Variants in MYO5B observed in about 807,000 individuals in gnomAD.
MYO5B encodes unconventional myosin-Vb.
In MYO5B, 143 loss-of-function variants were observed where a neutral mutation model predicts 229.3. The ratio of observed to expected loss-of-function variants is 0.62; its 90% CI spans 0.54 to 0.72. MYO5B has a LOEUF of 0.72. Ranked by LOEUF, MYO5B falls within the 30% of genes least tolerant of loss-of-function variation. The pLI is 0.00. For synonymous variants in MYO5B, 918 were observed against 885.2 expected (o/e 1.04, Z -0.66); for missense variants, 2,321 against 2,331.0 (o/e 1.00, Z 0.09).
In MYO5B at chr18:49,832,650, C is replaced by T. The variant is rs1009206391; in HGVS notation, c.5394+2694G>A. On this transcript the variant is annotated intron_variant, in intron 39 of 39. Transcript: ENST00000285039. ...TGGCAGGGGAACCTAGAATTGCCCA[C>T]GTTTTCATCCATTACCTGAATTATG... Among the ~76,000 whole-genome samples the T allele has an allele frequency of 1.5e-4, 23 of 152,190 alleles. No individual in the cohort carries two copies. The East Asian group carries it at 3.7e-3, about 24-fold the overall frequency.
At chr18:50,106,160 T>C (rs1158547642) in intron 1 of MYO5B, among the ~76,000 whole-genome samples, 1 of 152,096 alleles carries the variant, frequency 6.6e-6, no homozygotes, top group Non-Finnish European at 1.5e-5. Context: ...ACCTCGTTAA[T>C]TCACCAAGCA....
At chr18:49,866,218 A>G (rs376922378) in intron 27 of MYO5B, among the ~76,000 whole-genome samples, 10 of 148,452 alleles carry the variant, frequency 6.7e-5, no homozygotes, top group South Asian at 4.2e-4. Context: ...ACAGGCGCCC[A>G]CCACCACGCC....
intron 39 of MYO5B, among the ~76,000 whole-genome samples, chr18:49,828,849 C>G (rs984204858): frequency 6.6e-6 from 1 of 151,126 alleles, no homozygotes; most frequent in African/African-American, 2.4e-5. Flanking sequence ...ATATAATAAA[C>G]CAAAGCTTAT....
intron 4 of MYO5B, 52 bp from the exon 5 acceptor site, chr18:50,001,463 C>T: frequency 6.2e-7 from 1 of 1,602,448 alleles, no homozygotes. Context: ...GGCTCTGCTA[C>T]CGTCCAGGGA....
At chr18:50,082,735 G>A (rs568353850) in intron 1 of MYO5B, among the ~76,000 whole-genome samples, 6 of 152,280 alleles carry the variant, frequency 3.9e-5, no homozygotes, top group African/African-American at 1.4e-4. Flanking sequence ...GTTAAAAAAT[G>A]AATGGTACCA....
chr18:49,894,821 T>C (rs529264356), intron 22 of MYO5B, 120 bp downstream of exon 22: 1 of 845,050 alleles, frequency 1.2e-6, no homozygotes, highest in African/African-American at 1.7e-5. Flanking sequence ...GGTCAGTCTG[T>C]GCACATGAGC....
intron 1 of MYO5B, among the ~76,000 whole-genome samples, chr18:50,061,759 A>G (rs1217707576): frequency 1.3e-5 from 2 of 152,226 alleles, no homozygotes; most frequent in Non-Finnish European, 2.9e-5. Context: ...TAAAACTCCT[A>G]TCTCAGAGTG....
chr18:49,861,641 C>T (rs2024330677), intron 29 of MYO5B, among the ~76,000 whole-genome samples: 1 of 152,196 alleles, frequency 6.6e-6, no homozygotes, highest in African/African-American at 2.4e-5. Flanking sequence ...CCTTCAACTT[C>T]TGATTACCTA....
chr18:49,864,179 C>G lies in MYO5B; in HGVS notation c.3805G>C (p.Val1269Leu). The change falls in exon 28 of 40, where the codon GTG becomes CTG. Residue 1269 changes from valine (V) to leucine (L), a missense_variant. Val to Leu is a conservative substitution (Grantham distance 32, BLOSUM62 1). Coordinates refer to ENST00000285039, the MANE Select transcript of MYO5B (RefSeq NM_001080467.3). ...EEVLILRTQIVSADQRRLAGR... is the reference protein window; with the variant it reads ...EEVLILRTQILSADQRRLAGR... ...GCGAGTCGCCGCTGGTCGGCGCTCA[C>G]GATCTGGGTCCTGAGGATGAGCACC... The G allele has an allele frequency of 6.2e-7, 1 of 1,612,358 alleles. No homozygotes were observed. The highest frequency in any genetic ancestry group is 8.5e-7 in the Non-Finnish European group (1 of 1,180,016).
At position 49,823,663 on chromosome 18, in the gene MYO5B, G is replaced by A. The variant is rs1355729806; in HGVS notation, c.*2808C>T. 1 of 101,516 alleles carries A rather than the reference G, an allele frequency of 9.9e-6. No homozygotes were observed. Among genetic ancestry groups the A allele is most frequent in the Non-Finnish European group, 2.1e-5 (1 of 47,460 alleles). 6.3% of individuals were successfully genotyped at this position (101,516 alleles called of 1,614,324 possible). On this transcript the variant is annotated 3_prime_UTR_variant, in exon 40 of 40. Coordinates refer to ENST00000285039, the MANE Select transcript of MYO5B (RefSeq NM_001080467.3). ...TCCCACTGACATGCTTCATGGAAAGGGGAAAAACATCTACCTTTGGGTCTA... is the reference window on the plus strand; with the variant it reads ...TCCCACTGACATGCTTCATGGAAAGAGGAAAAACATCTACCTTTGGGTCTA...
chr18:49,982,419 A>G lies in MYO5B; in HGVS notation c.947-1866T>C, dbSNP rs866743307. Among the ~76,000 whole-genome samples, 4 of 152,174 alleles carry G rather than the reference A, an allele frequency of 2.6e-5. No individual in the cohort carries two copies. In the South Asian group the frequency reaches 8.3e-4, roughly 32 times the overall value. On this transcript the variant is annotated intron_variant, in intron 8 of 39. Transcript: ENST00000285039. Reference sequence around the variant, plus strand: ...TTTCCAAAGACCGAACCACCCTGTCATGGTAGGAATTTAAGTGGTAGACAC... The same window carrying G: ...TTTCCAAAGACCGAACCACCCTGTCGTGGTAGGAATTTAAGTGGTAGACAC...
At chr18:50,092,922 A>G (rs1388898801) in intron 1 of MYO5B, among the ~76,000 whole-genome samples, 1 of 152,182 alleles carries the variant, frequency 6.6e-6, no homozygotes, top group Non-Finnish European at 1.5e-5. Flanking sequence ...AATGACTGAC[A>G]GATTTGACAG....
chr18:50,035,656 C>G (rs946061961), intron 4 of MYO5B, among the ~76,000 whole-genome samples: 4 of 152,194 alleles, frequency 2.6e-5, no homozygotes, highest in African/African-American at 9.7e-5. Flanking sequence ...AGTTGCCAAG[C>G]TAAGGGACTC....
At chr18:50,066,867 A>C (rs1385817718) in intron 1 of MYO5B, among the ~76,000 whole-genome samples, 1 of 152,196 alleles carries the variant, frequency 6.6e-6, no homozygotes, top group Non-Finnish European at 1.5e-5. Context: ...TCTAGTGTTA[A>C]TATCAAACAA....
intron 1 of MYO5B, among the ~76,000 whole-genome samples, chr18:50,085,218 G>GA (rs1313346194): frequency 6.6e-6 from 1 of 151,914 alleles, no homozygotes; most frequent in African/African-American, 2.4e-5. Flanking sequence ...AAATTTATAA[G>GA]AAAAAAACAA....
chr18:49,902,509 A>G (rs1467978561), intron 21 of MYO5B, 85 bp downstream of exon 21: 1 of 1,576,788 alleles, frequency 6.3e-7, no homozygotes, highest in Non-Finnish European at 8.6e-7. Flanking sequence ...CGGCATGTGC[A>G]GTTCCTCAAG....
intron 29 of MYO5B, among the ~76,000 whole-genome samples, chr18:49,861,450 TGG>T (rs1347829714): frequency 1.3e-5 from 2 of 152,218 alleles, no homozygotes; most frequent in Non-Finnish European, 2.9e-5. Flanking sequence ...TAGTATCACC[TGG>T]GCTTTTTCTT....
At chr18:50,009,644 A>G (rs1222738816) in intron 4 of MYO5B, among the ~76,000 whole-genome samples, 1 of 152,212 alleles carries the variant, frequency 6.6e-6, no homozygotes, top group Non-Finnish European at 1.5e-5. Context: ...GAGAAGGTAT[A>G]TGGAAAACTA....
chr18:50,141,396 T>C (rs2032415056), intron 1 of MYO5B, among the ~76,000 whole-genome samples: 1 of 152,256 alleles, frequency 6.6e-6, no homozygotes, highest in South Asian at 2.1e-4. Flanking sequence ...TTCAGCACAC[T>C]GCCTATGGGG....
Sources: allele counts gnomAD v4.1 joint callset (sites outside exome capture counted in the v4.1 genomes callset), GRCh38; gene constraint gnomAD v4.1.1; transcripts MANE v1.5; gene names NCBI Gene and HGNC (gene_info 2026-07-23, HGNC 2026-07-21).